CSF2RB: variants seen among roughly 807,000 people sequenced by gnomAD.
The protein encoded by CSF2RB is cytokine receptor common subunit beta.
A neutral mutation model predicts 67.2 loss-of-function variants in CSF2RB; 22 were observed. That is an observed-to-expected ratio of 0.33 (90% CI 0.23 to 0.47). The LOEUF (loss-of-function observed/expected upper bound fraction) is 0.47. Ranked by LOEUF, CSF2RB falls within the 20% of genes least tolerant of loss-of-function variation. The pLI is 1.00. For missense variants in CSF2RB, 1,113 were observed against 1,174.5 expected, an observed-to-expected ratio of 0.95 and a Z score of 0.76; for synonymous variants, 507 against 482.9, an observed-to-expected ratio of 1.05 and a Z score of -0.65.
intron 1 of CSF2RB, among the ~76,000 whole-genome samples, chr22:36,920,267 A>G (rs902028184): frequency 1.6e-4 from 24 of 150,856 alleles, no homozygotes; most frequent in African/African-American, 6.0e-4. Flanking sequence ...TTAAAGTAAA[A>G]GACACTAACC....
intron 4 of CSF2RB, among the ~76,000 whole-genome samples, chr22:36,928,450 G>A (rs1006981562): frequency 6.6e-6 from 1 of 152,158 alleles, no homozygotes; most frequent in Admixed American, 6.5e-5. Context: ...CCTGCTGTGT[G>A]TCTGCCGTTC....
Position 36,932,753 on chromosome 22 carries a change from C to A in CSF2RB, c.1013-12C>A. The A allele has an allele frequency of 6.2e-7, 1 of 1,612,718 alleles. No individual in the cohort carries two copies. Among genetic ancestry groups the A allele is most frequent in the Non-Finnish European group, 8.5e-7 (1 of 1,179,636 alleles). ...GGTATGATGACTCTCCTGAAAGCTT[C>A]CCTCCCTCCAGTCCAGATGGCCCCT... On this transcript the variant is annotated splice_polypyrimidine_tract_variant and intron_variant, in intron 8 of 13. Coordinates refer to ENST00000403662, the MANE Select transcript of CSF2RB (RefSeq NM_000395.3).
chr22:36,916,218 G>C (rs1940711646), intron 1 of CSF2RB, among the ~76,000 whole-genome samples: 1 of 151,952 alleles, frequency 6.6e-6, no homozygotes, highest in Non-Finnish European at 1.5e-5. Context: ...ATGGTTTCTG[G>C]TTTGGTGTCT....
At chr22:36,926,618 G>A (rs80113306) in intron 4 of CSF2RB, among the ~76,000 whole-genome samples, 12 of 152,154 alleles carry the variant, frequency 7.9e-5, no homozygotes, top group African/African-American at 2.2e-4. Flanking sequence ...CAGCCTTCCC[G>A]GGGGCTTCCT....
chr22:36,925,921 C>T (rs6000489), intron 3 of CSF2RB, 66 bp from the exon 4 acceptor site: 18 of 1,558,266 alleles, frequency 1.2e-5, no homozygotes, highest in Non-Finnish European at 1.3e-5. Flanking sequence ...GGTGAGCACT[C>T]GAGGAACCTT....
intron 2 of CSF2RB, 122 bp from the exon 3 acceptor site, chr22:36,923,122 G>T (rs1407806890): frequency 6.8e-7 from 1 of 1,460,666 alleles, no homozygotes; most frequent in Non-Finnish European, 9.5e-7. Flanking sequence ...TGGCCACCTG[G>T]TGCCTCTGCA....
rs187738633 is a variant in CSF2RB at position 36,927,282 on chromosome 22, G to A, written c.391+1105G>A. Among the ~76,000 whole-genome samples, 477 of 152,296 alleles carry A rather than the reference G, an allele frequency of 3.1e-3. 12 individuals are homozygous for A. The South Asian group carries it at 0.055, about 18-fold the overall frequency. On this transcript the variant is annotated intron_variant, in intron 4 of 13. Transcript: ENST00000403662. Reference sequence around the variant, plus strand: ...TGGACACGAGAGTCCCTTCCTTCCCGAATGGAGCTCAGGGGGCCCAGGCTG... The same window carrying A: ...TGGACACGAGAGTCCCTTCCTTCCCAAATGGAGCTCAGGGGGCCCAGGCTG...
At chr22:36,925,929 C>A in intron 3 of CSF2RB, 58 bp from the exon 4 acceptor site, 3 of 1,589,746 alleles carry the variant, frequency 1.9e-6, no homozygotes, top group East Asian at 4.5e-5. Context: ...CTCGAGGAAC[C>A]TTTCGTGAGT....
In CSF2RB at chr22:36,923,956, A is replaced by G. The variant is rs547831978; in HGVS notation, c.200+589A>G. On this transcript the variant is annotated intron_variant, in intron 3 of 13. Coordinates refer to ENST00000403662, the MANE Select transcript of CSF2RB (RefSeq NM_000395.3). ...CTCTCCCACCCAAGCTCTCCTGGGC[A>G]CGTGCCACAAGGGAAGGGGACCAGA... The G allele has an allele frequency of 1.1e-4, 42 of 382,746 alleles. 1 individual carries two copies. Among genetic ancestry groups the G allele is most frequent in the South Asian group, 8.5e-4 (42 of 49,454 alleles). 23.7% of individuals were successfully genotyped at this position (382,746 alleles called of 1,614,324 possible).
In CSF2RB at chr22:36,930,359, C is replaced by T. The variant is rs761972225; in HGVS notation, c.719-16C>T. The T allele has an allele frequency of 8.1e-6, 13 of 1,613,342 alleles. No individual in the cohort carries two copies. Among genetic ancestry groups the T allele is most frequent in the Middle Eastern group, 1.8e-4 (1 of 5,576 alleles). ...GGATGAATGACGGAGTACATGAGGA[C>T]CTGTCTCCAACCCAGGGGATGAGGC... On this transcript the variant is annotated splice_polypyrimidine_tract_variant and intron_variant, in intron 6 of 13. Transcript: ENST00000403662.
At chr22:36,926,596 C>T (rs1443889399) in intron 4 of CSF2RB, among the ~76,000 whole-genome samples, 1 of 152,166 alleles carries the variant, frequency 6.6e-6, no homozygotes, top group Non-Finnish European at 1.5e-5. Context: ...GCAGTAATGA[C>T]AGAGATGGGG....
At chr22:36,925,839 G>A in intron 3 of CSF2RB, 148 bp from the exon 4 acceptor site, 1 of 829,582 alleles carries the variant, frequency 1.2e-6, no homozygotes, top group Admixed American at 2.1e-5. Context: ...TCCCAGGATG[G>A]CAGCTCCGTG....
At chr22:36,928,828 G>A (rs553677036) in intron 4 of CSF2RB, among the ~76,000 whole-genome samples, 1 of 152,320 alleles carries the variant, frequency 6.6e-6, no homozygotes, top group East Asian at 1.9e-4. Context: ...CACACCTTAG[G>A]GGAGGCAGAC....
rs1940886752 is a variant in CSF2RB at position 36,922,096 on chromosome 22, C to A, written c.-112C>A. ...CAAGAGCCTGTGAAATGGGTCTGGC[C>A]TGGCTCCCAGCTGGGCAGGAACACA... On this transcript the variant is annotated 5_prime_UTR_variant, in exon 2 of 14. It adds an upstream start codon to the 5' untranslated region. Coordinates refer to ENST00000403662, the MANE Select transcript of CSF2RB (RefSeq NM_000395.3). 9.9e-7 allele frequency: 1 copy of A among 1,013,502 alleles called. No homozygotes were observed. Among genetic ancestry groups the A allele is most frequent in the Non-Finnish European group, 1.5e-6 (1 of 671,886 alleles). 62.8% of individuals were successfully genotyped at this position (1,013,502 alleles called of 1,614,324 possible).
At chr22:36,917,182 C>A (rs1320460955) in intron 1 of CSF2RB, among the ~76,000 whole-genome samples, 1 of 152,182 alleles carries the variant, frequency 6.6e-6, no homozygotes, top group Non-Finnish European at 1.5e-5. Context: ...ATCAGCTTAT[C>A]CTTTTTTCCC....
rs1047078577 is a variant in CSF2RB at position 36,939,238 on chromosome 22, C to T, written c.*736C>T. The T allele has an allele frequency of 2.8e-6, 2 of 702,184 alleles. No individual in the cohort carries two copies. Among genetic ancestry groups the T allele is most frequent in the African/African-American group, 1.7e-5 (1 of 57,226 alleles). The allele number at this position is 702,184 out of a possible 1,614,324, so 43.5% of individuals were successfully genotyped here. ...GTGGGACCTCCAGTCCCTTGAGACC[C>T]CACGTCATGTAGAGAAGTTAACGGC... On this transcript the variant is annotated 3_prime_UTR_variant, in exon 14 of 14. Transcript: ENST00000403662.
intron 3 of CSF2RB, among the ~76,000 whole-genome samples, chr22:36,924,188 C>T (rs1940952677): frequency 1.3e-5 from 2 of 151,664 alleles, no homozygotes; most frequent in African/African-American, 4.8e-5. Context: ...GACCATCCTG[C>T]CCCTCCCTGT....
chr22:36,926,678 C>T (rs946785789), intron 4 of CSF2RB, among the ~76,000 whole-genome samples: 14 of 152,088 alleles, frequency 9.2e-5, no homozygotes, highest in African/African-American at 2.4e-5. Flanking sequence ...GGAGGGGCCC[C>T]GGTGTGGGCC....
At chr22:36,935,071 T>C (rs372655144) in intron 10 of CSF2RB, among the ~76,000 whole-genome samples, 17 of 152,142 alleles carry the variant, frequency 1.1e-4, no homozygotes, top group East Asian at 5.8e-4. Context: ...TGAACAGTGG[T>C]TCTTGCCCTC....
Sources: gnomAD v4.1 joint callset for allele counts (sites outside exome capture counted in the v4.1 genomes callset) on GRCh38, gnomAD v4.1.1 for gene constraint, MANE v1.5 for transcripts, NCBI Gene and HGNC (gene_info 2026-07-23, HGNC 2026-07-21) for gene names.